FRMPD4: variants seen among roughly 807,000 people sequenced by gnomAD.
FRMPD4 encodes the protein FERM and PDZ domain containing 4, also known as FERM and PDZ domain-containing protein 4.
In FRMPD4, 22 loss-of-function variants were observed where a neutral mutation model predicts 94.1. That is an observed-to-expected ratio of 0.23 (90% confidence interval 0.17 to 0.33). FRMPD4 has a LOEUF of 0.33. FRMPD4 is among the 10% of genes least tolerant of loss of function. FRMPD4 has a pLI of 1.00. For missense variants in FRMPD4, 1,111 were observed against 1,339.9 expected (o/e 0.83, Z 2.67); for synonymous variants, 631 against 548.6 (o/e 1.15, Z -2.10).
chrX:11,825,660 C>A (rs887925987), intron 1 of FRMPD4, among the ~76,000 whole-genome samples: 6 of 110,863 alleles, frequency 5.4e-5, no homozygotes, highest in Non-Finnish European at 1.1e-4. Flanking sequence ...TATACCGCAC[C>A]CCCCCACCAA....
intron 2 of FRMPD4, among the ~76,000 whole-genome samples, chrX:12,593,777 ATCTAAGGCACATGGC>A (rs2059004233): frequency 9.0e-6 from 1 of 111,379 alleles, no homozygotes; most frequent in Non-Finnish European, 1.9e-5. Context: ...GCAGTACACA[ATCTAAGGCACATGGC>A]TCTATCCAGT....
At chrX:12,331,578 T>A (rs12010694) in intron 1 of FRMPD4, among the ~76,000 whole-genome samples, 2 of 88,088 alleles carry the variant, frequency 2.3e-5, no homozygotes, top group African/African-American at 8.5e-5. Flanking sequence ...CTCACTTAGT[T>A]ATATGAAACG....
In FRMPD4 at chrX:12,591,459, G is replaced by A. The variant is rs1011709708; in HGVS notation, c.159-18262G>A. Reference sequence around the variant, plus strand: ...GACCTATGCAGTTCAAACTCATGTTGTTCAAGAGTCAACTGTACATCTATA... The same window carrying A: ...GACCTATGCAGTTCAAACTCATGTTATTCAAGAGTCAACTGTACATCTATA... On this transcript the variant is annotated intron_variant, in intron 2 of 16. Transcript: ENST00000675598. Among the ~76,000 whole-genome samples, 5 of 111,697 alleles carry A rather than the reference G, an allele frequency of 4.5e-5. 1 individual carries two copies. The highest frequency in any genetic ancestry group is 1.6e-4 in the African/African-American group (5 of 30,697).
intron 1 of FRMPD4, among the ~76,000 whole-genome samples, chrX:12,216,870 T>A (rs2056812819): frequency 8.9e-6 from 1 of 112,202 alleles, no homozygotes; most frequent in Non-Finnish European, 1.9e-5. Context: ...GTTTGCTTGC[T>A]TGTTCTTCTG....
At chrX:12,446,752 A>C (rs2057200377) in intron 1 of FRMPD4, among the ~76,000 whole-genome samples, 1 of 109,279 alleles carries the variant, frequency 9.2e-6, no homozygotes, top group African/African-American at 3.3e-5. Context: ...AGTCCATTAA[A>C]CCTCCTTTTG....
rs77328834 is a variant in FRMPD4 at position 11,848,807 on chromosome X, C to A, written c.-160-16279C>A. Among the ~76,000 whole-genome samples, 77 of 111,073 alleles carry A rather than the reference C, an allele frequency of 6.9e-4. No individual in the cohort carries two copies. The East Asian group carries it at 0.021, about 31-fold the overall frequency. On this transcript the variant is annotated intron_variant, in intron 1 of 18. Coordinates refer to the FRMPD4 transcript ENST00000640291. ...TCATATTCCCCTGTAATTGAGGTCA[C>A]CATTTCAACTGACTATATTCAATAT... is the stretch of plus-strand genomic sequence containing the variant.
At chrX:12,656,704 A>G (rs1022121428) in intron 4 of FRMPD4, among the ~76,000 whole-genome samples, 4 of 112,300 alleles carry the variant, frequency 3.6e-5, no homozygotes, top group Non-Finnish European at 7.5e-5. Context: ...CTCAGGAAGT[A>G]TATTTGGAAA....
intron 3 of FRMPD4, among the ~76,000 whole-genome samples, chrX:11,925,211 A>G (rs763592811): frequency 1.8e-5 from 2 of 111,253 alleles, no homozygotes; most frequent in South Asian, 3.8e-4. Flanking sequence ...AGATCTAAGT[A>G]TCCTAAATAT....
chrX:12,083,444 G>A lies in FRMPD4; in HGVS notation c.95+205426G>A, dbSNP rs2055078309. On this transcript the variant is annotated intron_variant, in intron 3 of 18. Transcript: ENST00000640291. ...TGCCCAGGCAAAAGTTTGCTGCAGA[G>A]GTGGGGGCCCTCATGGAGAACATCT... 2.7e-5 allele frequency among the ~76,000 whole-genome samples: 3 copies of A among 113,059 alleles called. No homozygotes were observed. In the Admixed American group the frequency reaches 2.8e-4, roughly 10 times the overall value.
chrX:12,521,496 A>G (rs1424409811), intron 2 of FRMPD4, among the ~76,000 whole-genome samples: 1 of 112,196 alleles, frequency 8.9e-6, no homozygotes, highest in Non-Finnish European at 1.9e-5. Flanking sequence ...AATGATAATA[A>G]TTCTCCTCCT....
intron 5 of FRMPD4, among the ~76,000 whole-genome samples, chrX:12,678,805 A>G (rs999520139): frequency 8.9e-6 from 1 of 112,426 alleles, no homozygotes; most frequent in East Asian, 2.8e-4. Context: ...ACCCTGGGCA[A>G]CAAGAGTGAA....
intron 3 of FRMPD4, among the ~76,000 whole-genome samples, chrX:12,083,352 C>G (rs2055077418): frequency 8.9e-6 from 1 of 112,967 alleles, no homozygotes; most frequent in African/African-American, 3.2e-5. Flanking sequence ...TGCAGGTACA[C>G]AGAAGTCAAG....
chrX:12,298,586 A>C (rs1169432471), intron 1 of FRMPD4, among the ~76,000 whole-genome samples: 2 of 112,176 alleles, frequency 1.8e-5, no homozygotes, highest in Non-Finnish European at 3.8e-5. Flanking sequence ...GAGGTCTTAT[A>C]TGTAGATATT....
At chrX:11,882,582 A>T (rs1252147221) in intron 3 of FRMPD4, among the ~76,000 whole-genome samples, 1 of 111,951 alleles carries the variant, frequency 8.9e-6, no homozygotes, top group African/African-American at 3.2e-5. Context: ...ACTTTGTTTC[A>T]TGCACAAAAT....
intron 3 of FRMPD4, among the ~76,000 whole-genome samples, chrX:12,006,020 A>C (rs1321744136): frequency 1.8e-5 from 2 of 111,470 alleles, no homozygotes; most frequent in Non-Finnish European, 3.8e-5. Context: ...AAAAATGGTA[A>C]TGATTGTAGC....
intron 2 of FRMPD4, among the ~76,000 whole-genome samples, chrX:12,499,996 GTTTT>G (rs1044475441): frequency 1.1e-4 from 12 of 111,649 alleles, no homozygotes; most frequent in Admixed American, 1.0e-3. Flanking sequence ...CTGCAGAGTG[GTTTT>G]TTTGTTTCGT....
chrX:11,880,472 G>T (rs1337816359), intron 3 of FRMPD4, among the ~76,000 whole-genome samples: 1 of 111,009 alleles, frequency 9.0e-6, no homozygotes, highest in Non-Finnish European at 1.9e-5. Context: ...AAAATTATAG[G>T]CTATATTGCT....
intron 3 of FRMPD4, among the ~76,000 whole-genome samples, chrX:11,890,011 G>C (rs1053122200): frequency 7.1e-5 from 8 of 112,419 alleles, no homozygotes; most frequent in Admixed American, 1.9e-4. Flanking sequence ...CAAGTAACAG[G>C]ACAAGCCAGA....
At chrX:12,705,750 G>A (rs751956431) in intron 11 of FRMPD4, among the ~76,000 whole-genome samples, 11 of 110,467 alleles carry the variant, frequency 1.0e-4, no homozygotes, top group East Asian at 8.4e-4. Context: ...TGGCCCACTC[G>A]TAATAATTTG....
Sources: allele counts gnomAD v4.1 joint callset (sites outside exome capture counted in the v4.1 genomes callset), GRCh38; gene constraint gnomAD v4.1.1; transcripts MANE v1.5; gene names NCBI Gene and HGNC (gene_info 2026-07-23, HGNC 2026-07-21).